Variants in ARHGAP45 observed in about 807,000 individuals in gnomAD.
The protein encoded by ARHGAP45 is rho GTPase-activating protein 45.
A neutral mutation model predicts 116.1 loss-of-function variants in ARHGAP45; 56 were observed. The observed-to-expected ratio is 0.48, with a 90% CI of 0.39 to 0.60. The LOEUF (loss-of-function observed/expected upper bound fraction) is 0.60. Among genes scored for constraint, ARHGAP45 ranks in the 20% least tolerant of loss-of-function variants. ARHGAP45 has a pLI of 0.00. For synonymous variants in ARHGAP45, 866 were observed against 701.7 expected, an observed-to-expected ratio of 1.23 and a Z score of -3.70; for missense variants, 1,622 against 1,601.0, an observed-to-expected ratio of 1.01 and a Z score of -0.22.
intron 1 of ARHGAP45, 88 bp downstream of exon 1, chr19:1,067,583 G>A: frequency 2.4e-6 from 3 of 1,249,356 alleles, no homozygotes; most frequent in Non-Finnish European, 3.4e-6. Context: ...ATGCTGGGGC[G>A]GCGGCTGGGG....
In ARHGAP45 at chr19:1,071,660, C is replaced by G. The variant is rs940611848; in HGVS notation, c.422-1489C>G. 3.3e-5 allele frequency: 5 copies of G among 153,310 alleles called. No homozygotes were observed. Among genetic ancestry groups the G allele is most frequent in the East Asian group, 1.9e-4 (1 of 5,202 alleles). The allele number at this position is 153,310 out of a possible 1,614,324, so 9.5% of individuals were successfully genotyped here. On this transcript the variant is annotated intron_variant, in intron 2 of 22. Coordinates refer to ENST00000313093, the MANE Select transcript of ARHGAP45 (RefSeq NM_012292.5). The surrounding 1 kb of genome is among the most constrained non-coding windows in gnomAD (Gnocchi z 4.6). Reference sequence around the variant, plus strand: ...GCGGCTTCCCGGAGCTCCTGGAGCCCCAATCCCATTCCCGGAGTCCGCCTC... The same window carrying G: ...GCGGCTTCCCGGAGCTCCTGGAGCCGCAATCCCATTCCCGGAGTCCGCCTC...
At position 1,073,559 on chromosome 19, in the gene ARHGAP45, C is replaced by T; in HGVS notation, c.619C>T (p.Leu207=). 6.2e-7 allele frequency: 1 copy of T among 1,614,004 alleles called. No homozygotes were observed. Among genetic ancestry groups the T allele is most frequent in the Non-Finnish European group, 8.5e-7 (1 of 1,179,966 alleles). Residue 207 remains leucine (L), a synonymous_variant, in exon 4 of 23, where the codon CTG becomes TTG. Transcript: ENST00000313093. ...DLEKQEFEKA[L]ETIAVAFSST... ...GGAGAAACAGGAGTTCGAGAAGGCC[C>T]TGGAGACGATTGCTGTGGCCTTCAG...
In ARHGAP45 at chr19:1,086,350, G is replaced by A. The variant is rs78203713; in HGVS notation, c.*344G>A. Reference sequence around the variant, plus strand: ...CAGTGCATCCCCCAGGTCATCACGGGGACGCAGGAGGCAGGCCCTGCCCTG... The same window carrying A: ...CAGTGCATCCCCCAGGTCATCACGGAGACGCAGGAGGCAGGCCCTGCCCTG... On this transcript the variant is annotated 3_prime_UTR_variant, in exon 23 of 23. Transcript: ENST00000313093. The A allele has an allele frequency of 2.1e-3, 559 of 267,602 alleles. 11 individuals are homozygous for A. The East Asian group carries it at 0.037, about 18-fold the overall frequency. 16.6% of individuals were successfully genotyped at this position (267,602 alleles called of 1,614,324 possible).
intron 19 of ARHGAP45, among the ~76,000 whole-genome samples, 172 bp downstream of exon 19, chr19:1,082,133 AGGCTGG>A (rs1316267494): frequency 8.2e-6 from 1 of 122,102 alleles, no homozygotes; most frequent in African/African-American, 3.2e-5. Context: ...GGCAGGGCTG[AGGCTGG>A]GGGCGTGGTC....
chr19:1,079,674 T>A, intron 11 of ARHGAP45, 29 bp from the exon 12 acceptor site: 1 of 1,610,716 alleles, frequency 6.2e-7, no homozygotes, highest in Non-Finnish European at 8.5e-7. Context: ...GGCTGAGGCC[T>A]CTCTCTGTGC....
At chr19:1,076,875 C>A in intron 10 of ARHGAP45, 1 of 211,414 alleles carries the variant, frequency 4.7e-6, no homozygotes, top group Non-Finnish European at 8.0e-6. Flanking sequence ...CACAGGTGTG[C>A]GCCACCACGT....
rs1164288467 is a variant in ARHGAP45 at position 1,080,511 on chromosome 19, G to C, written c.1876G>C (p.Asp626His). The change falls in exon 15 of 23, where the codon GAC becomes CAC. Residue 626 changes from aspartate to histidine, a missense_variant. Physicochemically the swap from Asp to His is moderately conservative, Grantham distance 81 (BLOSUM62 -1). Transcript: ENST00000313093. ...VHKSWPLSIS[D>H]SDSGLDPGPG... ...CAAGTCATGGCCGCTCTCGATCTCA[G>C]ACTCGGACAGTGGGCTGGACCCCGG... is the stretch of plus-strand genomic sequence containing the variant. 1 of 1,612,954 alleles carries C rather than the reference G, an allele frequency of 6.2e-7. No individual in the cohort carries two copies. The highest frequency in any genetic ancestry group is 8.5e-7 in the Non-Finnish European group (1 of 1,179,982).
At chr19:1,081,442 C>A in intron 17 of ARHGAP45, 108 bp from the exon 18 acceptor site, 1 of 1,141,438 alleles carries the variant, frequency 8.8e-7, no homozygotes, top group East Asian at 2.7e-5. Flanking sequence ...TTTGCAGAAG[C>A]TGCCGTGTGG....
At chr19:1,084,585 C>T (rs1344707885) in intron 22 of ARHGAP45, among the ~76,000 whole-genome samples, 1 of 152,182 alleles carries the variant, frequency 6.6e-6, no homozygotes, top group Non-Finnish European at 1.5e-5. Flanking sequence ...AAACCAGTAA[C>T]GTGAACGTGG....
intron 8 of ARHGAP45, 96 bp from the exon 9 acceptor site, chr19:1,074,515 CGGG>C: frequency 7.2e-7 from 1 of 1,394,576 alleles, no homozygotes; most frequent in South Asian, 1.4e-5. Context: ...TCTACATTAA[CGGG>C]GGTGGCTGCA....
At position 1,068,874 on chromosome 19, in the gene ARHGAP45, G is replaced by A. The variant is rs61242726; in HGVS notation, c.421+130G>A. On this transcript the variant is annotated intron_variant, in intron 2 of 22. Coordinates refer to ENST00000313093, the MANE Select transcript of ARHGAP45 (RefSeq NM_012292.5). The surrounding 1 kb of genome is among the most constrained non-coding windows in gnomAD (Gnocchi z 7.5). ...TGGCAGGGAGGGCTGTGTGGAAGAG[G>A]CCATGACAGCTAAGGCTCTGAGGGA... The A allele has an allele frequency of 0.12, 99,067 of 841,280 alleles. 7,803 individuals are homozygous for A. The highest frequency in any genetic ancestry group is 0.34 in the African/African-American group (19,632 of 57,930). 52.1% of individuals were successfully genotyped at this position (841,280 alleles called of 1,614,324 possible). A position where few individuals can be genotyped will look rare whatever the true frequency, so the allele number is the denominator to read the frequency against.
chr19:1,071,766 G>C lies in ARHGAP45; in HGVS notation c.422-1383G>C, dbSNP rs971430649. 1 of 152,192 alleles carries C rather than the reference G, an allele frequency of 6.6e-6. No homozygotes were observed. Among genetic ancestry groups the C allele is most frequent in the Non-Finnish European group, 1.5e-5 (1 of 68,044 alleles). The allele number at this position is 152,192 out of a possible 1,614,324, so 9.4% of individuals were successfully genotyped here. On this transcript the variant is annotated intron_variant, in intron 2 of 22. Coordinates refer to ENST00000313093, the MANE Select transcript of ARHGAP45 (RefSeq NM_012292.5). The surrounding 1 kb of genome is among the most constrained non-coding windows in gnomAD (Gnocchi z 4.6). Reference sequence around the variant, plus strand: ...GCGGGGTATCTCTGGCGGGTGACTCGGTCGGTCTCTTCCCGGAGGTGACAT... The same window carrying C: ...GCGGGGTATCTCTGGCGGGTGACTCCGTCGGTCTCTTCCCGGAGGTGACAT...
At position 1,068,237 on chromosome 19, in the gene ARHGAP45, T is replaced by G; in HGVS notation, c.91-177T>G. 1.7e-6 allele frequency: 1 copy of G among 583,872 alleles called. No homozygotes were observed. The highest frequency in any genetic ancestry group is 3.0e-6 in the Non-Finnish European group (1 of 338,974). The allele number at this position is 583,872 out of a possible 1,614,324, so 36.2% of individuals were successfully genotyped here. ...TGTGAAAGCTCTAGGGAAGAGGATG[T>G]TGGGTAACAGGTGGGGGGGTACACT... On this transcript the variant is annotated intron_variant, in intron 1 of 22. Coordinates refer to ENST00000313093, the MANE Select transcript of ARHGAP45 (RefSeq NM_012292.5). This position sits in a 1 kb window ranked among gnomAD's most constrained non-coding sequence, Gnocchi z 7.5.
In ARHGAP45 at chr19:1,081,020, G is replaced by A; in HGVS notation, c.2146G>A (p.Glu716Lys). 1 of 1,609,008 alleles carries A rather than the reference G, an allele frequency of 6.2e-7. No individual in the cohort carries two copies. The highest frequency in any genetic ancestry group is 8.5e-7 in the Non-Finnish European group (1 of 1,178,528). Residue 716 changes from glutamate to lysine, a missense_variant, in exon 17 of 23, where the codon GAG (glutamate) becomes AAG (lysine). Glu to Lys is a moderately conservative substitution (Grantham distance 56). Around this residue, in one of 3 missense-constraint regions of ARHGAP45, gnomAD observed 1,334 missense variants for 1,263.8 expected, o/e 1.06. Coordinates refer to ENST00000313093, the MANE Select transcript of ARHGAP45 (RefSeq NM_012292.5). ...RKLRTPAKCR[E>K]CNSYVYFQGA... ...GCTCCGCACGCCCGCCAAGTGCCGC[G>A]AGTGCAACAGCTACGTCTACTTCCA...
In ARHGAP45 at chr19:1,071,118, T is replaced by G. The variant is rs2043131775; in HGVS notation, c.422-2031T>G. ...TCCTCGACCCTCCCCACCTCGAAGC[T>G]CTGCGGTTAAGGAAGGACCCAGGCT... On this transcript the variant is annotated intron_variant, in intron 2 of 22. Coordinates refer to ENST00000313093, the MANE Select transcript of ARHGAP45 (RefSeq NM_012292.5). The surrounding 1 kb of genome is among the most constrained non-coding windows in gnomAD (Gnocchi z 4.6). 2.6e-6 allele frequency: 3 copies of G among 1,169,856 alleles called. No individual in the cohort carries two copies. Among genetic ancestry groups the G allele is most frequent in the Admixed American group, 4.5e-5 (1 of 22,138 alleles). The allele number at this position is 1,169,856 out of a possible 1,614,324, so 72.5% of individuals were successfully genotyped here. A position where few individuals can be genotyped will look rare whatever the true frequency, so the allele number is the denominator to read the frequency against.
chr19:1,070,034 C>T (rs993743391), intron 2 of ARHGAP45, among the ~76,000 whole-genome samples: 1 of 151,644 alleles, frequency 6.6e-6, no homozygotes, highest in Non-Finnish European at 1.5e-5. Context: ...CTCACTCTGT[C>T]GCCCAGGCTG....
rs371192392 is a variant in ARHGAP45 at position 1,080,480 on chromosome 19, G to C, written c.1845G>C (p.Gln615His). 3.3e-5 allele frequency: 54 copies of C among 1,612,924 alleles called. 2 individuals carry two copies. Among genetic ancestry groups the C allele is most frequent in the African/African-American group, 2.8e-4 (21 of 75,056 alleles). ...AKDHRAGRGH[Q>H]VHKSWPLSIS... ...TTTCTCCAGCCGGGCGAGGACACCA[G>C]GTTCACAAGTCATGGCCGCTCTCGA... The change falls in exon 15 of 23, where the codon CAG becomes CAC. Residue 615 changes from glutamine to histidine, a missense_variant. By Grantham distance (24) the Gln-to-His change is conservative (BLOSUM62 0). Coordinates refer to ENST00000313093, the MANE Select transcript of ARHGAP45 (RefSeq NM_012292.5).
intron 17 of ARHGAP45, 124 bp from the exon 18 acceptor site, chr19:1,081,426 C>G (rs1266910994): frequency 1.9e-6 from 2 of 1,027,026 alleles, no homozygotes; most frequent in Non-Finnish European, 2.7e-6. Flanking sequence ...CACTGTCCAG[C>G]TTGTGTTTGC....
At chr19:1,066,164 GT>G (rs2043026920), upstream of ARHGAP45, 2 of 1,533,070 alleles carry the variant, frequency 1.3e-6, no homozygotes, top group Non-Finnish European at 1.7e-6. Context: ...CCCACCCGAG[GT>G]AGGTGGGAAT....
Sources: gnomAD v4.1 joint callset for allele counts (sites outside exome capture counted in the v4.1 genomes callset) on GRCh38, gnomAD v4.1.1 for gene constraint, gnomAD v4.1.1 regional missense constraint, Gnocchi (gnomAD v3.1) non-coding constraint, MANE v1.5 for transcripts, NCBI Gene and HGNC (gene_info 2026-07-23, HGNC 2026-07-21) for gene names.